The following GPRC5C variants were observed in gnomAD, a reference collection of about 807,000 sequenced individuals.
GPRC5C encodes the protein G protein-coupled receptor class C group 5 member C, also known as G protein-coupled receptor family C group 5 member C.
Under a neutral mutation model 31.4 loss-of-function variants are expected in GPRC5C, and 22 were observed. That is an observed-to-expected ratio of 0.70 (90% confidence interval 0.50 to 1.00). The LOEUF (loss-of-function observed/expected upper bound fraction) is 1.00, where lower values mean the gene tolerates loss of function less well. Among genes scored for constraint, GPRC5C ranks in the 50% least tolerant of loss-of-function variants. GPRC5C has a pLI of 0.00. For missense variants in GPRC5C, 557 were observed against 597.2 expected, an observed-to-expected ratio of 0.93 and a Z score of 0.70; for synonymous variants, 249 against 257.5, an observed-to-expected ratio of 0.97 and a Z score of 0.32.
At chr17:74,436,538 G>A (rs2055433644) in intron 1 of GPRC5C, among the ~76,000 whole-genome samples, 1 of 152,098 alleles carries the variant, frequency 6.6e-6, no homozygotes, top group Admixed American at 6.5e-5. Context: ...ATTTTTGTGA[G>A]TACCTACCTT....
At chr17:74,433,786 A>T in intron 1 of GPRC5C, 1 of 1,549,208 alleles carries the variant, frequency 6.5e-7, no homozygotes, top group Non-Finnish European at 8.9e-7. Context: ...TGGCCCTGTG[A>T]CGCGCTGGAG....
At chr17:74,448,972 G>A (rs1220816182), downstream of GPRC5C, 5 of 1,086,602 alleles carry the variant, frequency 4.6e-6, no homozygotes, top group Admixed American at 4.6e-5. Flanking sequence ...GCAGGGTCCT[G>A]ACCTTTGGAC....
Position 74,440,027 on chromosome 17 carries a change from G to A in GPRC5C, c.251G>A (p.Arg84Gln), listed in dbSNP as rs377345258. Residue 84 changes from arginine to glutamine, a missense_variant, in exon 2 of 4, where the codon CGG (arginine) becomes CAG (glutamine). Coordinates refer to ENST00000392627, the MANE Select transcript of GPRC5C (RefSeq NM_022036.4). The surrounding 1 kb of genome is among the most constrained non-coding windows in gnomAD (Gnocchi z 4.4). ...SLPFVQDTKKRSLLGTQVFFL... is the reference protein window; with the variant it reads ...SLPFVQDTKKQSLLGTQVFFL... ...CCCTTTGTGCAGGACACCAAGAAACGGAGCCTGCTGGGGACCCAGGTATTC... is the reference window on the plus strand; with the variant it reads ...CCCTTTGTGCAGGACACCAAGAAACAGAGCCTGCTGGGGACCCAGGTATTC... The A allele has an allele frequency of 9.9e-6, 16 of 1,610,622 alleles. No individual in the cohort carries two copies. The highest frequency in any genetic ancestry group is 4.5e-5 in the East Asian group (2 of 44,896).
At chr17:74,451,321 G>C (rs1436685161), downstream of GPRC5C, 1 of 152,222 alleles carries the variant, frequency 6.6e-6, no homozygotes, top group East Asian at 1.9e-4. Context: ...CTGCGCGTGA[G>C]GCTCAGGGAG....
chr17:74,448,240 G>A (rs1254961093), downstream of GPRC5C, among the ~76,000 whole-genome samples: 3 of 152,204 alleles, frequency 2.0e-5, 1 homozygote, highest in Non-Finnish European at 4.4e-5. Flanking sequence ...GGTCGAGGCT[G>A]CAGTGAGCTT....
chr17:74,444,546 C>CGTCTTG (rs2055596468), intron 3 of GPRC5C, among the ~76,000 whole-genome samples: 1 of 152,144 alleles, frequency 6.6e-6, no homozygotes, highest in Non-Finnish European at 1.5e-5. Flanking sequence ...GTCAGTGACC[C>CGTCTTG]GTCTTGGCAG....
chr17:74,439,660 G>A (rs2055494173), intron 1 of GPRC5C, 85 bp from the exon 2 acceptor site: 1 of 1,291,232 alleles, frequency 7.7e-7, no homozygotes, highest in African/African-American at 1.5e-5. Context: ...CTATCTGCCT[G>A]GGTTTAGGTT....
chr17:74,443,438 C>A, intron 2 of GPRC5C: 2 of 377,802 alleles, frequency 5.3e-6, no homozygotes, highest in East Asian at 7.2e-5. Flanking sequence ...GAGCTGGAGG[C>A]TGGCCATCTT....
At position 74,442,096 on chromosome 17, in the gene GPRC5C, G is replaced by A. The variant is rs371351657; in HGVS notation, c.1051+1269G>A. Among the ~76,000 whole-genome samples the A allele has an allele frequency of 7.2e-5, 11 of 152,100 alleles. No individual in the cohort carries two copies. In the South Asian group the frequency reaches 8.3e-4, roughly 11 times the overall value. The stretch of plus-strand genomic sequence containing the variant: ...TGGCTCACTGCAACCTCCGCCTCCC[G>A]GGCTCAAGAGATTCTCCTGCCTCAG... On this transcript the variant is annotated intron_variant, in intron 2 of 3. Transcript: ENST00000392627.
chr17:74,441,500 C>G (rs1436104435), intron 2 of GPRC5C, among the ~76,000 whole-genome samples: 2 of 152,036 alleles, frequency 1.3e-5, no homozygotes, highest in African/African-American at 4.8e-5. Flanking sequence ...AATGTCAGTA[C>G]CTATTTCATA....
downstream of GPRC5C, among the ~76,000 whole-genome samples, chr17:74,449,160 G>A (rs570073394): frequency 7.3e-4 from 111 of 152,286 alleles, no homozygotes; most frequent in Admixed American, 2.0e-3. Context: ...AAATAAACTT[G>A]AAGGGGAGAG....
intron 3 of GPRC5C, 31 bp downstream of exon 3, chr17:74,443,943 G>T: frequency 6.9e-7 from 1 of 1,446,624 alleles, no homozygotes; most frequent in South Asian, 1.1e-5. Flanking sequence ...CCCGTGACAC[G>T]TCTGGGCTAC....
rs756886665 is a variant in GPRC5C at position 74,443,662 on chromosome 17, C to T, written c.1052-156C>T. 4 of 660,240 alleles carry T rather than the reference C, an allele frequency of 6.1e-6. No homozygotes were observed. The East Asian group carries it at 8.8e-5, about 15-fold the overall frequency. The allele number at this position is 660,240 out of a possible 1,614,324, so 40.9% of individuals were successfully genotyped here. A position where few individuals can be genotyped will look rare whatever the true frequency, so the allele number is the denominator to read the frequency against. On this transcript the variant is annotated intron_variant, in intron 2 of 3. Transcript: ENST00000392627. ...GGGCCCCCGTGTTCACAACCTCACCCCCAAGTTGGCCACTCCTGGGTTAGA... is the reference window on the plus strand; with the variant it reads ...GGGCCCCCGTGTTCACAACCTCACCTCCAAGTTGGCCACTCCTGGGTTAGA...
chr17:74,439,276 GC>G lies in GPRC5C; in HGVS notation c.-32-468del, dbSNP rs1453685208. On this transcript the variant is annotated intron_variant, in intron 1 of 3. Transcript: ENST00000392627. ...TATTGAATGAATGAATGAACACATA[GC>G]TGACTGGCTGTGGATTTAGGCCTCA... is the stretch of plus-strand genomic sequence containing the variant. Among the ~76,000 whole-genome samples the G allele has an allele frequency of 5.3e-5, 8 of 152,320 alleles. No individual in the cohort carries two copies. The East Asian group carries it at 1.5e-3, about 29-fold the overall frequency.
downstream of GPRC5C, chr17:74,449,575 A>G: frequency 3.5e-6 from 1 of 284,050 alleles, no homozygotes; most frequent in Admixed American, 4.5e-5. Flanking sequence ...TGCCCAGCCC[A>G]TCTTCCTGGT....
At chr17:74,450,425 T>G (rs1434175059), downstream of GPRC5C, 1 of 152,170 alleles carries the variant, frequency 6.6e-6, no homozygotes, top group Non-Finnish European at 1.5e-5. Context: ...TGAACTGGAG[T>G]CTAGGCCTCT....
chr17:74,436,716 G>C (rs1452895683), intron 1 of GPRC5C, among the ~76,000 whole-genome samples: 1 of 152,186 alleles, frequency 6.6e-6, no homozygotes, highest in Non-Finnish European at 1.5e-5. Context: ...GCCGAGGGAG[G>C]TGGGGTGAAA....
chr17:74,447,256 T>G lies in GPRC5C; in HGVS notation c.*228T>G. 1 of 1,292,878 alleles carries G rather than the reference T, an allele frequency of 7.7e-7. No homozygotes were observed. The highest frequency in any genetic ancestry group is 9.8e-7 in the Non-Finnish European group (1 of 1,018,398). The allele number at this position is 1,292,878 out of a possible 1,614,324, so 80.1% of individuals were successfully genotyped here. On this transcript the variant is annotated 3_prime_UTR_variant, in exon 4 of 4. Transcript: ENST00000392627. ...AGCCAACCCCAGCCTCCTGCCAGGA[T>G]CACCTCGGCGGTCACACTCCAGCCA...
chr17:74,442,542 T>A lies in GPRC5C; in HGVS notation c.1052-1276T>A, dbSNP rs1283669332. Among the ~76,000 whole-genome samples the A allele has an allele frequency of 2.6e-5, 4 of 152,334 alleles. No individual in the cohort carries two copies. The East Asian group carries it at 7.7e-4, about 29-fold the overall frequency. Reference sequence around the variant, plus strand: ...GGGTGCCATCTCAAAGTCCTGACCCTGCCCCCAGACTGTGCTGATCTGGAG... The same window carrying A: ...GGGTGCCATCTCAAAGTCCTGACCCAGCCCCCAGACTGTGCTGATCTGGAG... On this transcript the variant is annotated intron_variant, in intron 2 of 3. Transcript: ENST00000392627.
Sources: gnomAD v4.1 joint callset for allele counts (sites outside exome capture counted in the v4.1 genomes callset) on GRCh38, gnomAD v4.1.1 for gene constraint, Gnocchi (gnomAD v3.1) non-coding constraint, MANE v1.5 for transcripts, NCBI Gene and HGNC (gene_info 2026-07-23, HGNC 2026-07-21) for gene names.